The following FGF5 variants were observed in gnomAD, a reference collection of about 807,000 sequenced individuals.
FGF5 encodes fibroblast growth factor 5, also known as heparin-binding growth factor 5.
Under a neutral mutation model 21.8 loss-of-function variants are expected in FGF5, and 23 were observed. The observed-to-expected ratio is 1.05, with a 90% CI of 0.76 to 1.49. The LOEUF (loss-of-function observed/expected upper bound fraction) is 1.49. Among genes scored for constraint, FGF5 ranks in the 40% most tolerant of loss-of-function variants. The pLI is 0.00. For missense variants in FGF5, 352 were observed against 332.9 expected (o/e 1.06, Z -0.45); for synonymous variants, 158 against 124.0 (o/e 1.27, Z -1.82).
chr4:80,268,384 T>C (rs1720161577), intron 1 of FGF5: 1 of 587,972 alleles, frequency 1.7e-6, no homozygotes, highest in Non-Finnish European at 2.1e-6. Flanking sequence ...GCGCTCACAG[T>C]CACCTGGTTT....
intron 2 of FGF5, among the ~76,000 whole-genome samples, chr4:80,276,665 C>G (rs1243141238): frequency 6.6e-6 from 1 of 150,558 alleles, no homozygotes; most frequent in African/African-American, 2.4e-5. Context: ...CCCCTGAGTT[C>G]CCAAAGTCCA....
chr4:80,285,230 C>A (rs919231184), intron 2 of FGF5, among the ~76,000 whole-genome samples: 6 of 152,176 alleles, frequency 3.9e-5, no homozygotes, highest in Admixed American at 3.3e-4. Flanking sequence ...TACTACATGG[C>A]AAACTAAGCT....
rs763406454 is a variant in FGF5 at position 80,286,563 on chromosome 4, T to C, written c.698T>C (p.Val233Ala). The C allele has an allele frequency of 4.3e-6, 7 of 1,613,944 alleles. No homozygotes were observed. In the African/African-American group the frequency reaches 5.3e-5, roughly 12 times the overall value. The change falls in exon 3 of 3, where the codon GTT becomes GCT. Residue 233 changes from valine to alanine, a missense_variant. Transcript: ENST00000312465. ...CCAGAACTTTCTTTCACGGTTACTG[T>C]TCCTGAAAAGAAAAAGCCACCTAGC... ...EQPELSFTVT[V>A]PEKKKPPSPI...
intron 1 of FGF5, among the ~76,000 whole-genome samples, chr4:80,270,884 T>A (rs912755483): frequency 3.3e-5 from 5 of 152,186 alleles, no homozygotes; most frequent in Non-Finnish European, 5.9e-5. Context: ...TCATGTGGAG[T>A]CATTAGACAG....
intron 1 of FGF5, among the ~76,000 whole-genome samples, chr4:80,269,875 T>C (rs1018650047): frequency 2.0e-5 from 3 of 152,088 alleles, no homozygotes; most frequent in African/African-American, 7.2e-5. Context: ...TGTCTAATAC[T>C]ACTTCATAAA....
At chr4:80,276,577 A>G (rs1204618951) in intron 2 of FGF5, among the ~76,000 whole-genome samples, 1 of 151,928 alleles carries the variant, frequency 6.6e-6, no homozygotes, top group Non-Finnish European at 1.5e-5. Flanking sequence ...GATTTCTGAG[A>G]TTTAGGTGCA....
chr4:80,278,353 T>C (rs1447402935), intron 2 of FGF5, among the ~76,000 whole-genome samples: 1 of 152,280 alleles, frequency 6.6e-6, no homozygotes, highest in East Asian at 1.9e-4. Flanking sequence ...CTTTGATTCA[T>C]ATCACCTTTT....
intron 2 of FGF5, 66 bp downstream of exon 2, chr4:80,275,078 A>C (rs930163640): frequency 2.6e-5 from 17 of 659,340 alleles, no homozygotes; most frequent in Non-Finnish European, 4.2e-5. Context: ...AAACAGAATA[A>C]TTTTCCAAAT....
intron 1 of FGF5, 28 bp from the exon 2 acceptor site, chr4:80,274,881 T>A (rs1037609670): frequency 1.0e-6 from 1 of 964,274 alleles, no homozygotes; most frequent in Admixed American, 1.9e-5. Context: ...AGAGCCTGTG[T>A]TTTATTTTGG....
At chr4:80,285,936 A>G (rs1042896734) in intron 2 of FGF5, among the ~76,000 whole-genome samples, 1 of 152,170 alleles carries the variant, frequency 6.6e-6, no homozygotes, top group African/African-American at 2.4e-5. Flanking sequence ...TTTCTTAGTA[A>G]TATAGTTCCA....
Position 80,274,926 on chromosome 4 carries a change from G to T in FGF5, c.373G>T (p.Ala125Ser). 1.3e-6 allele frequency: 2 copies of T among 1,573,016 alleles called. No homozygotes were observed. The highest frequency in any genetic ancestry group is 8.7e-7 in the Non-Finnish European group (1 of 1,148,402). The change falls in exon 2 of 3, where the codon GCT becomes TCT. Residue 125 changes from alanine (A) to serine (S), a missense_variant. Coordinates refer to ENST00000312465, the MANE Select transcript of FGF5 (RefSeq NM_004464.4). ...CATCCTAGGTGTTTTGGAAATATTT[G>T]CTGTGTCTCAGGGGATTGTAGGAAT... ...ANMLSVLEIF[A>S]VSQGIVGIRG...
Position 80,274,114 on chromosome 4 carries a change from T to C in FGF5, c.356-795T>C, listed in dbSNP as rs377746245. 1.6e-4 allele frequency among the ~76,000 whole-genome samples: 24 copies of C among 152,268 alleles called. 1 individual carries two copies. The highest frequency in any genetic ancestry group is 9.8e-4 in the Admixed American group (15 of 15,294). ...TCTTATTAAACTACTCTATGAACAGTGGTGTGTAATTCTCTTGATCCAGTG... is the reference window on the plus strand; with the variant it reads ...TCTTATTAAACTACTCTATGAACAGCGGTGTGTAATTCTCTTGATCCAGTG... On this transcript the variant is annotated intron_variant, in intron 1 of 2. Coordinates refer to ENST00000312465, the MANE Select transcript of FGF5 (RefSeq NM_004464.4).
Position 80,287,197 on chromosome 4 carries a change from G to A in FGF5, c.*525G>A, listed in dbSNP as rs1473172637. On this transcript the variant is annotated 3_prime_UTR_variant, in exon 3 of 3. Transcript: ENST00000312465. ...TTTATGCTGTTTATGAATTATAAATGTGTTTATAGCTCATTTGTAATATGG... is the reference window on the plus strand; with the variant it reads ...TTTATGCTGTTTATGAATTATAAATATGTTTATAGCTCATTTGTAATATGG... The A allele has an allele frequency of 6.6e-6, 1 of 152,052 alleles. No individual in the cohort carries two copies. Among genetic ancestry groups the A allele is most frequent in the African/African-American group, 2.4e-5 (1 of 41,356 alleles). The allele number at this position is 152,052 out of a possible 1,614,324, so 9.4% of individuals were successfully genotyped here.
chr4:80,271,270 TG>T (rs906003786), intron 1 of FGF5, among the ~76,000 whole-genome samples: 1 of 152,074 alleles, frequency 6.6e-6, no homozygotes, highest in Non-Finnish European at 1.5e-5. Context: ...TCTAGAAATA[TG>T]TTTTTTTTTA....
intron 2 of FGF5, among the ~76,000 whole-genome samples, chr4:80,282,174 C>T (rs1720572133): frequency 6.6e-6 from 1 of 152,080 alleles, no homozygotes; most frequent in African/African-American, 2.4e-5. Context: ...GTTGGTCAGG[C>T]TGGTCTCGAA....
At chr4:80,278,613 T>A (rs1033430261) in intron 2 of FGF5, among the ~76,000 whole-genome samples, 2 of 152,088 alleles carry the variant, frequency 1.3e-5, no homozygotes, top group African/African-American at 4.8e-5. Flanking sequence ...ACTGAAAGGG[T>A]AGGCCAGAGC....
chr4:80,279,303 A>G (rs1720492851), intron 2 of FGF5, among the ~76,000 whole-genome samples: 2 of 152,232 alleles, frequency 1.3e-5, no homozygotes, highest in African/African-American at 4.8e-5. Context: ...TTTAAACAAG[A>G]TAATACACAT....
Position 80,267,307 on chromosome 4 carries a change from C to T in FGF5, c.355+128C>T, listed in dbSNP as rs572706302. ...AGGCCACTGGGACCAAGCTGATACTCAGAAACAGCCGGGCGGGTTGGGTGG... is the reference window on the plus strand; with the variant it reads ...AGGCCACTGGGACCAAGCTGATACTTAGAAACAGCCGGGCGGGTTGGGTGG... On this transcript the variant is annotated intron_variant, in intron 1 of 2. Transcript: ENST00000312465. 77 of 726,938 alleles carry T rather than the reference C, an allele frequency of 1.1e-4. 1 individual carries two copies. The East Asian group carries it at 2.1e-3, about 20-fold the overall frequency. 45.0% of individuals were successfully genotyped at this position (726,938 alleles called of 1,614,324 possible). A position where few individuals can be genotyped will look rare whatever the true frequency, so the allele number is the denominator to read the frequency against.
intron 2 of FGF5, among the ~76,000 whole-genome samples, chr4:80,276,762 A>C (rs1720423664): frequency 7.1e-6 from 1 of 140,796 alleles, no homozygotes; most frequent in Non-Finnish European, 1.6e-5. Flanking sequence ...GCTGGAAAAA[A>C]AAGTAAAAAA....
Sources: gnomAD v4.1 joint callset for allele counts (sites outside exome capture counted in the v4.1 genomes callset) on GRCh38, gnomAD v4.1.1 for gene constraint, MANE v1.5 for transcripts, NCBI Gene and HGNC (gene_info 2026-07-23, HGNC 2026-07-21) for gene names.